The following TBX15 variants were observed in gnomAD, a reference collection of about 807,000 sequenced individuals.
The protein encoded by TBX15 is T-box transcription factor TBX15.
TBX15 carries 18 observed loss-of-function variants against 53.9 expected under a neutral mutation model. That is an observed-to-expected ratio of 0.33 (90% CI 0.23 to 0.49). The LOEUF is 0.49. Ranked by LOEUF, TBX15 falls within the 20% of genes least tolerant of loss-of-function variation. TBX15 has a pLI of 0.98. For synonymous variants in TBX15, 295 were observed against 278.0 expected (o/e 1.06, Z -0.61); for missense variants, 692 against 749.5 (o/e 0.92, Z 0.90).
At chr1:118,895,325 G>A (rs1654385771) in intron 7 of TBX15, among the ~76,000 whole-genome samples, 1 of 152,208 alleles carries the variant, frequency 6.6e-6, no homozygotes, top group Non-Finnish European at 1.5e-5. Context: ...AAAGTTGGCA[G>A]TTCTGGTGTC....
intron 7 of TBX15, among the ~76,000 whole-genome samples, chr1:118,898,766 A>T (rs1654514340): frequency 6.6e-6 from 1 of 152,238 alleles, no homozygotes; most frequent in East Asian, 1.9e-4. Flanking sequence ...TAATAATAAT[A>T]TCATCATCAT....
chr1:118,899,026 A>G lies in TBX15; in HGVS notation c.1024+2T>C. On this transcript the variant is annotated splice_donor_variant, in intron 7 of 7. Coordinates refer to ENST00000369429, the MANE Select transcript of TBX15 (RefSeq NM_001330677.2). LOFTEE classifies it high-confidence loss of function. ...AGCAGAGGCCTTGCTCCAGGGCTTT[A>G]CCTTGCTGCTTCTGCATGGTGGTGA... The G allele has an allele frequency of 6.2e-7, 1 of 1,613,416 alleles. No individual in the cohort carries two copies. The highest frequency in any genetic ancestry group is 8.5e-7 in the Non-Finnish European group (1 of 1,179,656).
rs1450721450 is a variant in TBX15 at position 118,883,400 on chromosome 1, T to C, written c.*1332A>G. 3 of 152,528 alleles carry C rather than the reference T, an allele frequency of 2.0e-5. No homozygotes were observed. The highest frequency in any genetic ancestry group is 2.9e-5 in the Non-Finnish European group (2 of 68,032). 9.4% of individuals were successfully genotyped at this position (152,528 alleles called of 1,614,324 possible). A position where few individuals can be genotyped will look rare whatever the true frequency, so the allele number is the denominator to read the frequency against. On this transcript the variant is annotated 3_prime_UTR_variant, in exon 8 of 8. Coordinates refer to ENST00000369429, the MANE Select transcript of TBX15 (RefSeq NM_001330677.2). ...AAGGACAAAACCCAAAACTTCAAAATGCAATGTACTATTTGATAAAAATGG... is the reference window on the plus strand; with the variant it reads ...AAGGACAAAACCCAAAACTTCAAAACGCAATGTACTATTTGATAAAAATGG...
intron 1 of TBX15, among the ~76,000 whole-genome samples, chr1:118,956,649 CTTTT>C (rs1656698387): frequency 1.3e-5 from 2 of 152,256 alleles, no homozygotes; most frequent in Admixed American, 1.3e-4. Context: ...TATTCATAGT[CTTTT>C]AAAAATAGAT....
chr1:118,884,831 G>A lies in TBX15; in HGVS notation c.1710C>T (p.Ser570=), dbSNP rs12569041. The A allele has an allele frequency of 0.11, 182,062 of 1,614,064 alleles. 11,472 individuals are homozygous for A. The highest frequency in any genetic ancestry group is 0.14 in the East Asian group (6,339 of 44,856). The change falls in exon 8 of 8, where the codon AGC becomes AGT. Residue 570 remains serine, a synonymous_variant. Transcript: ENST00000369429. The part of the protein sequence containing the change: ...SGMEHSMHMI[S]PSPNNQQATN... ...TTGCCTGTTGGTTATTGGGTGAAGG[G>A]CTAATCATGTGCATGCTGTGCTCCA...
At chr1:118,983,810 C>T (rs1657725364) in intron 1 of TBX15, among the ~76,000 whole-genome samples, 1 of 152,148 alleles carries the variant, frequency 6.6e-6, no homozygotes, top group African/African-American at 2.4e-5. Flanking sequence ...ACACCCTGTC[C>T]CTGCGGTCTG....
At chr1:118,891,046 T>C (rs1373825903) in intron 7 of TBX15, 5 of 716,456 alleles carry the variant, frequency 7.0e-6, no homozygotes, top group Non-Finnish European at 1.0e-5. Context: ...TAAAGTTTAA[T>C]GAGCACAGCA....
chr1:118,936,720 C>T (rs887679648), intron 1 of TBX15, among the ~76,000 whole-genome samples: 1 of 152,112 alleles, frequency 6.6e-6, no homozygotes, highest in African/African-American at 2.4e-5. Flanking sequence ...CAAGACTGTA[C>T]ATGCAAAACA....
In TBX15 at chr1:118,929,051, A is replaced by G. The variant is rs573050069; in HGVS notation, c.420-2440T>C. ...CAGTCTAAAGAAAAGTTAACCTTTC[A>G]TGTTTTACAAAAAGAGATGTGTTTG... is the stretch of plus-strand genomic sequence containing the variant. On this transcript the variant is annotated intron_variant, in intron 2 of 7. Coordinates refer to ENST00000369429, the MANE Select transcript of TBX15 (RefSeq NM_001330677.2). Among the ~76,000 whole-genome samples, 5 of 152,340 alleles carry G rather than the reference A, an allele frequency of 3.3e-5. No individual in the cohort carries two copies. In the South Asian group the frequency reaches 1.0e-3, roughly 32 times the overall value.
At chr1:118,940,062 A>G (rs1656119255) in intron 1 of TBX15, among the ~76,000 whole-genome samples, 1 of 151,862 alleles carries the variant, frequency 6.6e-6, no homozygotes, top group African/African-American at 2.4e-5. Context: ...TCTGTTGCCC[A>G]TTTTTCAGAA....
At chr1:118,892,321 A>G (rs1204913372) in intron 7 of TBX15, among the ~76,000 whole-genome samples, 2 of 152,208 alleles carry the variant, frequency 1.3e-5, no homozygotes, top group African/African-American at 4.8e-5. Context: ...GCAAATTGGC[A>G]AATAAGGAAG....
At position 118,885,082 on chromosome 1, in the gene TBX15, C is replaced by G. The variant is rs761835037; in HGVS notation, c.1459G>C (p.Ala487Pro). ...ATGTGTGGTGATGAGGAGCTGGAGG[C>G]AGCATTGCCTGCCTGCATGACATAC... ...FQYVMQAGNA[A>P]SSSSSPHMFG... The change falls in exon 8 of 8, where the codon GCC becomes CCC. Residue 487 changes from alanine to proline, a missense_variant. Around this residue, in one of 3 missense-constraint regions of TBX15, gnomAD observed 375 missense variants for 371.6 expected, o/e 1.01. Transcript: ENST00000369429. 1 of 1,614,164 alleles carries G rather than the reference C, an allele frequency of 6.2e-7. No homozygotes were observed. Among genetic ancestry groups the G allele is most frequent in the African/African-American group, 1.3e-5 (1 of 75,044 alleles).
chr1:118,885,374 G>T lies in TBX15; in HGVS notation c.1167C>A (p.Ser389Arg). The part of the protein sequence containing the change: ...PNTFNVGCRE[S>R]QLCNLNLSDY... The stretch of plus-strand genomic sequence containing the variant: ...CAGAGAGGTTTAGATTACACAGCTG[G>T]CTTTCTCGGCAGCCCACATTGAAAG... Residue 389 changes from serine to arginine, a missense_variant, in exon 8 of 8, where the codon AGC becomes AGA. Ser to Arg is a moderately radical substitution (Grantham distance 110, BLOSUM62 -1). Around this residue, in one of 3 missense-constraint regions of TBX15, gnomAD observed 375 missense variants for 371.6 expected, o/e 1.01. Coordinates refer to ENST00000369429, the MANE Select transcript of TBX15 (RefSeq NM_001330677.2). 2 of 1,614,004 alleles carry T rather than the reference G, an allele frequency of 1.2e-6. No homozygotes were observed. The highest frequency in any genetic ancestry group is 8.5e-7 in the Non-Finnish European group (1 of 1,180,034).
chr1:118,904,040 GC>G (rs1415383780), intron 6 of TBX15, among the ~76,000 whole-genome samples: 1 of 152,174 alleles, frequency 6.6e-6, no homozygotes, highest in Non-Finnish European at 1.5e-5. Flanking sequence ...AACAGTATGT[GC>G]AAAGACTTGG....
At chr1:118,985,534 G>A (rs1169823859) in intron 1 of TBX15, among the ~76,000 whole-genome samples, 1 of 152,180 alleles carries the variant, frequency 6.6e-6, no homozygotes, top group Non-Finnish European at 1.5e-5. Flanking sequence ...GAAAGGCTTA[G>A]CCATTGCGGG....
Position 118,923,505 on chromosome 1 carries a change from C to T in TBX15, c.792G>A (p.Gly264=), listed in dbSNP as rs140463861. 2 of 1,613,946 alleles carry T rather than the reference C, an allele frequency of 1.2e-6. No homozygotes were observed. The highest frequency in any genetic ancestry group is 1.7e-5 in the Admixed American group (1 of 59,986). Residue 264 remains glycine (G), a synonymous_variant, in exon 5 of 8, where the codon GGG becomes GGA. Transcript: ENST00000369429. ...DLSPTKPVPV[G]DGVKTFNFPE... ...GAAAGTTGAACGTTTTCACCCCATC[C>T]CCAACAGGAACAGGCTTAGTGGGTG... is the stretch of plus-strand genomic sequence containing the variant.
At chr1:118,950,623 G>A (rs1656483729) in intron 1 of TBX15, among the ~76,000 whole-genome samples, 1 of 152,174 alleles carries the variant, frequency 6.6e-6, no homozygotes, top group South Asian at 2.1e-4. Context: ...GTAGTGGACT[G>A]AGCTGCCTGA....
chr1:118,884,680 G>A lies in TBX15; in HGVS notation c.*52C>T. The A allele has an allele frequency of 3.1e-6, 5 of 1,609,706 alleles. No homozygotes were observed. In the South Asian group the frequency reaches 4.4e-5, roughly 14 times the overall value. On this transcript the variant is annotated 3_prime_UTR_variant, in exon 8 of 8. Transcript: ENST00000369429. ...CTCCCAAAGAGGAGGATCTGACCAC[G>A]GAGACTCTGGGGCCTTGATTGCCAA... is the stretch of plus-strand genomic sequence containing the variant.
intron 3 of TBX15, among the ~76,000 whole-genome samples, chr1:118,925,144 G>A (rs879305806): frequency 3.9e-5 from 6 of 152,186 alleles, no homozygotes; most frequent in Non-Finnish European, 8.8e-5. Flanking sequence ...GCACCCCTGT[G>A]TGCACACATG....
Sources: gnomAD v4.1 joint callset for allele counts (sites outside exome capture counted in the v4.1 genomes callset) on GRCh38, gnomAD v4.1.1 for gene constraint, gnomAD v4.1.1 regional missense constraint, MANE v1.5 for transcripts, NCBI Gene and HGNC (gene_info 2026-07-23, HGNC 2026-07-21) for gene names.